The following PRKAG2 variants were observed in gnomAD, a reference collection of about 807,000 sequenced individuals.
The protein encoded by PRKAG2 is protein kinase AMP-activated non-catalytic subunit gamma 2, also known as 5'-AMP-activated protein kinase subunit gamma-2.
A neutral mutation model predicts 69.6 loss-of-function variants in PRKAG2; 26 were observed. That is an observed-to-expected ratio of 0.37 (90% CI 0.27 to 0.52). The LOEUF is 0.52. Among genes scored for constraint, PRKAG2 ranks in the 20% least tolerant of loss-of-function variants. The pLI is 0.90. For missense variants in PRKAG2, 557 were observed against 740.0 expected (o/e 0.75, Z 2.87); for synonymous variants, 293 against 285.0 (o/e 1.03, Z -0.28).
intron 1 of PRKAG2, among the ~76,000 whole-genome samples, chr7:151,816,707 A>G (rs1299442088): frequency 6.6e-6 from 1 of 152,222 alleles, no homozygotes; most frequent in Non-Finnish European, 1.5e-5. Flanking sequence ...CCCCCCGGGC[A>G]CCGATGCAAG....
At chr7:151,779,711 T>A (rs904625004) in intron 3 of PRKAG2, among the ~76,000 whole-genome samples, 4 of 152,178 alleles carry the variant, frequency 2.6e-5, no homozygotes, top group African/African-American at 9.7e-5. Flanking sequence ...TGTCTTTTCA[T>A]CCACCAATTC....
chr7:151,637,139 GGGAACTA>G (rs1825873065), intron 4 of PRKAG2, among the ~76,000 whole-genome samples: 1 of 152,132 alleles, frequency 6.6e-6, no homozygotes, highest in Non-Finnish European at 1.5e-5. Context: ...TACCACTGCG[GGGAACTA>G]GGTAAAGGGT....
chr7:151,767,258 A>C (rs1457654619), intron 3 of PRKAG2, among the ~76,000 whole-genome samples: 1 of 152,170 alleles, frequency 6.6e-6, no homozygotes. Flanking sequence ...CCCTGATTCC[A>C]GACTTCCAGC....
chr7:151,675,339 G>T (rs1319106872), intron 4 of PRKAG2, 81 bp downstream of exon 4: 1 of 1,375,382 alleles, frequency 7.3e-7, no homozygotes, highest in Non-Finnish European at 1.0e-6. Context: ...GCTGCAGATA[G>T]ACTGCTCAGC....
intron 3 of PRKAG2, among the ~76,000 whole-genome samples, chr7:151,702,571 G>A (rs1047817236): frequency 5.9e-5 from 9 of 152,230 alleles, no homozygotes; most frequent in Non-Finnish European, 1.2e-4. Flanking sequence ...GCACTGCCAG[G>A]TCCGCTCTGT....
In PRKAG2 at chr7:151,777,784, C is replaced by T. The variant is rs1051949423; in HGVS notation, c.466+3368G>A. On this transcript the variant is annotated intron_variant, in intron 3 of 15. Coordinates refer to ENST00000287878, the MANE Select transcript of PRKAG2 (RefSeq NM_016203.4). The surrounding 1 kb of genome is among the most constrained non-coding windows in gnomAD (Gnocchi z 4.3). ...TTTGAAAGCAAGGATGATAATAGTA[C>T]CTCCCTGAAACCAACTGTTCCTTGC... is the stretch of plus-strand genomic sequence containing the variant. Among the ~76,000 whole-genome samples the T allele has an allele frequency of 2.6e-5, 4 of 152,088 alleles. No individual in the cohort carries two copies. Among genetic ancestry groups the T allele is most frequent in the Non-Finnish European group, 5.9e-5 (4 of 68,012 alleles).
chr7:151,811,448 G>A (rs1027510059), intron 1 of PRKAG2, among the ~76,000 whole-genome samples: 2 of 152,266 alleles, frequency 1.3e-5, no homozygotes, highest in Admixed American at 1.3e-4. Context: ...ACACCCCCCA[G>A]TTCTTGGGCA....
At chr7:151,838,321 C>A (rs372406888) in intron 1 of PRKAG2, among the ~76,000 whole-genome samples, 1 of 152,064 alleles carries the variant, frequency 6.6e-6, no homozygotes, top group East Asian at 1.9e-4. Flanking sequence ...CTGCCAGGCT[C>A]GGCCCCACAG....
chr7:151,653,294 T>C (rs528608583), intron 4 of PRKAG2, among the ~76,000 whole-genome samples: 1 of 152,304 alleles, frequency 6.6e-6, no homozygotes, highest in South Asian at 2.1e-4. Flanking sequence ...AAATACCACA[T>C]ACATATTTTA....
chr7:151,582,060 A>C (rs1474684942), intron 6 of PRKAG2, among the ~76,000 whole-genome samples: 2 of 152,236 alleles, frequency 1.3e-5, no homozygotes, highest in Admixed American at 1.3e-4. Context: ...CTGAGATGAA[A>C]GACACTGATG....
rs532125423 is a variant in PRKAG2 at position 151,633,813 on chromosome 7, C to T, written c.685-1675G>A. On this transcript the variant is annotated intron_variant, in intron 4 of 15. Transcript: ENST00000287878. ...AACATAGTAAAAATGACAATTCTCC[C>T]CCAGATTAATCTTTTGGTTTAATGC... Among the ~76,000 whole-genome samples the T allele has an allele frequency of 1.7e-3, 258 of 152,202 alleles. 10 individuals carry two copies. In the South Asian group the frequency reaches 0.05, roughly 29 times the overall value.
chr7:151,774,206 T>C (rs981178326), intron 3 of PRKAG2, among the ~76,000 whole-genome samples: 1 of 152,164 alleles, frequency 6.6e-6, no homozygotes, highest in Non-Finnish European at 1.5e-5. Flanking sequence ...ACTGTACCTC[T>C]GACCAGAGGC....
At chr7:151,689,947 CCA>C (rs1835404316) in intron 3 of PRKAG2, among the ~76,000 whole-genome samples, 1 of 152,076 alleles carries the variant, frequency 6.6e-6, no homozygotes, top group Non-Finnish European at 1.5e-5. Flanking sequence ...TTGTCTGCCT[CCA>C]GTGATTAATT....
At chr7:151,591,136 G>A (rs1030020371) in intron 6 of PRKAG2, among the ~76,000 whole-genome samples, 6 of 152,222 alleles carry the variant, frequency 3.9e-5, no homozygotes, top group Non-Finnish European at 1.5e-5. Context: ...CCCTTCAATA[G>A]GAAAAGTGAA....
At chr7:151,713,394 G>A (rs1056540630) in intron 3 of PRKAG2, among the ~76,000 whole-genome samples, 9 of 151,944 alleles carry the variant, frequency 5.9e-5, no homozygotes, top group Non-Finnish European at 1.2e-4. Flanking sequence ...GTGAATCAGC[G>A]GTTTTTGAAA....
At chr7:151,653,447 A>C (rs1417330932) in intron 4 of PRKAG2, among the ~76,000 whole-genome samples, 3 of 152,200 alleles carry the variant, frequency 2.0e-5, no homozygotes, top group Non-Finnish European at 4.4e-5. Flanking sequence ...ACCCACCGAT[A>C]CGACAACCTG....
intron 3 of PRKAG2, among the ~76,000 whole-genome samples, chr7:151,743,243 C>A (rs533827496): frequency 2.0e-5 from 3 of 152,286 alleles, no homozygotes; most frequent in African/African-American, 7.2e-5. Context: ...GGGCCAGGGC[C>A]TTTTTGGATC....
chr7:151,675,000 C>T (rs188436406), intron 4 of PRKAG2: 123 of 330,910 alleles, frequency 3.7e-4, no homozygotes, highest in Admixed American at 1.1e-3. Flanking sequence ...CAGCTCACTG[C>T]AGTGTCTGCC....
Position 151,756,064 on chromosome 7 carries a change from G to C in PRKAG2, c.466+25088C>G, listed in dbSNP as rs766281893. Among the ~76,000 whole-genome samples the C allele has an allele frequency of 2.0e-5, 3 of 152,044 alleles. No individual in the cohort carries two copies. The highest frequency in any genetic ancestry group is 4.4e-5 in the Non-Finnish European group (3 of 67,994). On this transcript the variant is annotated intron_variant, in intron 3 of 15. Coordinates refer to ENST00000287878, the MANE Select transcript of PRKAG2 (RefSeq NM_016203.4). This position sits in a 1 kb window ranked among gnomAD's most constrained non-coding sequence, Gnocchi z 4.9. ...CCGCCTCCTCTCCCATCCCCCATTGGTCTCCTCCTCTTCTCAGGCCTCTCC... is the reference window on the plus strand; with the variant it reads ...CCGCCTCCTCTCCCATCCCCCATTGCTCTCCTCCTCTTCTCAGGCCTCTCC...
Sources: gnomAD v4.1 joint callset for allele counts (sites outside exome capture counted in the v4.1 genomes callset) on GRCh38, gnomAD v4.1.1 for gene constraint, Gnocchi (gnomAD v3.1) non-coding constraint, MANE v1.5 for transcripts, NCBI Gene and HGNC (gene_info 2026-07-23, HGNC 2026-07-21) for gene names.